The following KIF18A variants were observed in gnomAD, a reference collection of about 807,000 sequenced individuals.
KIF18A encodes the protein kinesin-like protein KIF18A.
A neutral mutation model predicts 103.3 loss-of-function variants in KIF18A; 67 were observed. The observed-to-expected ratio is 0.65, with a 90% CI of 0.53 to 0.79. The LOEUF is 0.79. KIF18A is among the 30% of genes least tolerant of loss of function. The pLI, the probability that KIF18A is intolerant of heterozygous loss-of-function variation, is 0.00. For synonymous variants in KIF18A, 367 were observed against 355.5 expected, an observed-to-expected ratio of 1.03 and a Z score of -0.36; for missense variants, 1,032 against 1,062.5, an observed-to-expected ratio of 0.97 and a Z score of 0.40.
chr11:28,104,144 C>A (rs183452935), intron 1 of KIF18A, among the ~76,000 whole-genome samples: 1 of 152,266 alleles, frequency 6.6e-6, no homozygotes, highest in Non-Finnish European at 1.5e-5. Flanking sequence ...TAATTATATG[C>A]AAGTACAATA....
intron 5 of KIF18A, 79 bp downstream of exon 5, chr11:28,090,538 T>G: frequency 1.2e-6 from 1 of 834,250 alleles, no homozygotes; most frequent in East Asian, 2.5e-5. Flanking sequence ...TTTTCACATG[T>G]ATGAAAATGA....
At chr11:28,074,255 C>G (rs934782460) in intron 10 of KIF18A, among the ~76,000 whole-genome samples, 1 of 152,020 alleles carries the variant, frequency 6.6e-6, no homozygotes, top group Admixed American at 6.6e-5. Context: ...TTCCAGAATT[C>G]TGTTCAGCAA....
chr11:28,035,108 G>T (rs1850467181), intron 15 of KIF18A, among the ~76,000 whole-genome samples: 5 of 151,484 alleles, frequency 3.3e-5, no homozygotes. Context: ...TGTCACCCCA[G>T]AAAAGTTAAA....
intron 4 of KIF18A, among the ~76,000 whole-genome samples, 166 bp from the exon 5 acceptor site, chr11:28,090,893 G>T (rs1851291741): frequency 1.3e-5 from 2 of 152,208 alleles, no homozygotes; most frequent in East Asian, 3.9e-4. Flanking sequence ...TATTGTGTGT[G>T]TTTATATGAA....
chr11:28,053,261 G>A (rs1315615294), intron 13 of KIF18A, among the ~76,000 whole-genome samples: 1 of 152,160 alleles, frequency 6.6e-6, no homozygotes, highest in Non-Finnish European at 1.5e-5. Flanking sequence ...AAGAAATGAT[G>A]TGCTGTCTGA....
chr11:28,024,103 A>G (rs755678057), intron 15 of KIF18A, among the ~76,000 whole-genome samples: 5 of 151,542 alleles, frequency 3.3e-5, no homozygotes, highest in Admixed American at 1.3e-4. Context: ...ACAATTCTGT[A>G]GCAGAATATT....
chr11:28,029,302 C>G (rs189532386), intron 15 of KIF18A, among the ~76,000 whole-genome samples: 1 of 152,168 alleles, frequency 6.6e-6, no homozygotes, highest in Non-Finnish European at 1.5e-5. Context: ...CAAGCCCAAT[C>G]CAGCAGCACA....
At chr11:28,064,286 G>A (rs1036799432) in intron 11 of KIF18A, among the ~76,000 whole-genome samples, 1 of 151,906 alleles carries the variant, frequency 6.6e-6, no homozygotes. Context: ...GCTTAGCCTT[G>A]AAACAAATGT....
chr11:28,028,693 G>A (rs1424777782), intron 15 of KIF18A, among the ~76,000 whole-genome samples: 3 of 152,050 alleles, frequency 2.0e-5, no homozygotes, highest in African/African-American at 7.2e-5. Flanking sequence ...CAGAACTGAA[G>A]GAGATAGAGA....
intron 13 of KIF18A, among the ~76,000 whole-genome samples, chr11:28,040,131 A>G (rs549214024): frequency 6.6e-6 from 1 of 151,962 alleles, no homozygotes; most frequent in East Asian, 1.9e-4. Flanking sequence ...TTTACTCTGA[A>G]TACAATTTTT....
rs1590673603 is a variant in KIF18A at position 28,046,145 on chromosome 11, A to G, written c.1949-9481T>C. On this transcript the variant is annotated intron_variant, in intron 13 of 16. Coordinates refer to ENST00000263181, the MANE Select transcript of KIF18A (RefSeq NM_031217.4). ...GTGGAAGTCAGTGTGGCGATTCCTC[A>G]GGGATCTAGAACTAGAAGTACCATT... 3.3e-5 allele frequency among the ~76,000 whole-genome samples: 5 copies of G among 152,118 alleles called. No individual in the cohort carries two copies. In the South Asian group the frequency reaches 6.2e-4, roughly 19 times the overall value.
intron 13 of KIF18A, among the ~76,000 whole-genome samples, chr11:28,055,309 A>G (rs1276091630): frequency 6.6e-6 from 1 of 152,214 alleles, no homozygotes; most frequent in Non-Finnish European, 1.5e-5. Context: ...AAAAGTCTGG[A>G]CAAAATATAA....
At position 28,035,564 on chromosome 11, in the gene KIF18A, T is replaced by C. The variant is rs565727872; in HGVS notation, c.2397-70A>G. ...AACTATGAAGAGAAAAGGAAGCAAATGTGTCCATAATTAGAAAACCATTTG... is the reference window on the plus strand; with the variant it reads ...AACTATGAAGAGAAAAGGAAGCAAACGTGTCCATAATTAGAAAACCATTTG... On this transcript the variant is annotated intron_variant, in intron 14 of 16. Coordinates refer to ENST00000263181, the MANE Select transcript of KIF18A (RefSeq NM_031217.4). The C allele has an allele frequency of 7.4e-4, 617 of 831,832 alleles. 1 individual carries two copies. The highest frequency in any genetic ancestry group is 9.7e-4 in the South Asian group (37 of 38,336). The allele number at this position is 831,832 out of a possible 1,614,324, so 51.5% of individuals were successfully genotyped here. A position where few individuals can be genotyped will look rare whatever the true frequency, so the allele number is the denominator to read the frequency against.
chr11:28,054,711 C>T (rs530517934), intron 13 of KIF18A, among the ~76,000 whole-genome samples: 5 of 152,178 alleles, frequency 3.3e-5, no homozygotes, highest in Non-Finnish European at 2.9e-5. Flanking sequence ...TAGTTGATCT[C>T]TAAAATCATT....
chr11:28,023,236 G>A (rs58112330), intron 16 of KIF18A, among the ~76,000 whole-genome samples: 4,075 of 152,100 alleles, frequency 0.027, 182 homozygotes, highest in African/African-American at 0.092. Context: ...CATACTGATG[G>A]GAAAGATCCA....
chr11:28,077,685 G>GT (rs1851112097), intron 9 of KIF18A, among the ~76,000 whole-genome samples: 2 of 152,280 alleles, frequency 1.3e-5, no homozygotes, highest in South Asian at 4.1e-4. Flanking sequence ...GACAGAGCCA[G>GT]TTTTTAGCTT....
chr11:28,078,591 A>C (rs1437446464), intron 9 of KIF18A, among the ~76,000 whole-genome samples: 1 of 152,154 alleles, frequency 6.6e-6, no homozygotes, highest in Non-Finnish European at 1.5e-5. Context: ...CAAACATTCA[A>C]GTTAAAAGTA....
At chr11:28,096,342 C>G (rs1565091425) in intron 2 of KIF18A, among the ~76,000 whole-genome samples, 1 of 152,074 alleles carries the variant, frequency 6.6e-6, no homozygotes, top group Non-Finnish European at 1.5e-5. Context: ...CAAATGTTAA[C>G]AAACCACAAA....
intron 11 of KIF18A, among the ~76,000 whole-genome samples, chr11:28,066,583 G>A (rs1431252685): frequency 1.3e-5 from 2 of 151,578 alleles, no homozygotes; most frequent in African/African-American, 4.8e-5. Context: ...ACGTGCTATA[G>A]TTTCCTTCTG....
Sources: allele counts gnomAD v4.1 joint callset (sites outside exome capture counted in the v4.1 genomes callset), GRCh38; gene constraint gnomAD v4.1.1; transcripts MANE v1.5; gene names NCBI Gene and HGNC (gene_info 2026-07-23, HGNC 2026-07-21).